TRPM3: variants seen among roughly 807,000 people sequenced by gnomAD.
TRPM3 encodes the protein transient receptor potential cation channel subfamily M member 3.
TRPM3 carries 77 observed loss-of-function variants against 181.2 expected under a neutral mutation model. That is an observed-to-expected ratio of 0.42 (90% CI 0.35 to 0.51). The LOEUF is 0.51. Ranked by LOEUF, TRPM3 falls within the 20% of genes least tolerant of loss-of-function variation. The probability of loss-of-function intolerance (pLI) is 0.01; values close to 1 mark genes in which losing one functional copy is unlikely to be tolerated. For missense variants in TRPM3, 1,759 were observed against 2,196.7 expected (o/e 0.80, Z 3.98); for synonymous variants, 745 against 796.4 (o/e 0.94, Z 1.09).
intron 1 of TRPM3, among the ~76,000 whole-genome samples, chr9:71,128,201 G>A (rs2074163287): frequency 6.6e-6 from 1 of 152,290 alleles, no homozygotes; most frequent in East Asian, 1.9e-4. Flanking sequence ...TAGTGGTTAT[G>A]AGAGGGAATC....
At chr9:70,936,389 A>C (rs956908776) in intron 1 of TRPM3, among the ~76,000 whole-genome samples, 2 of 152,168 alleles carry the variant, frequency 1.3e-5, no homozygotes, top group Non-Finnish European at 2.9e-5. Flanking sequence ...TCCTCTGCAA[A>C]ATTTTAGCTA....
At chr9:71,396,507 T>G (rs2093198044) in intron 1 of TRPM3, among the ~76,000 whole-genome samples, 1 of 152,108 alleles carries the variant, frequency 6.6e-6, no homozygotes, top group African/African-American at 2.4e-5. Flanking sequence ...AAAAGAATAT[T>G]TTAAAATCAG....
At chr9:70,657,632 A>G (rs997162811) in intron 9 of TRPM3, among the ~76,000 whole-genome samples, 1 of 152,068 alleles carries the variant, frequency 6.6e-6, no homozygotes, top group African/African-American at 2.4e-5. Flanking sequence ...AGATTAAAAA[A>G]TTTTTTTTAA....
chr9:70,629,218 G>GT (rs1554790165), intron 12 of TRPM3, among the ~76,000 whole-genome samples: 6 of 59,934 alleles, frequency 1.0e-4, no homozygotes, highest in African/African-American at 4.2e-4. Flanking sequence ...CCAGTGCCGG[G>GT]GGGGGGGGGG....
chr9:70,822,894 A>G (rs1378339689), intron 6 of TRPM3, among the ~76,000 whole-genome samples: 1 of 151,812 alleles, frequency 6.6e-6, no homozygotes, highest in Admixed American at 6.6e-5. Flanking sequence ...CAATATGCCC[A>G]TGTGTCACTA....
chr9:71,248,203 A>G (rs933768767), intron 1 of TRPM3, among the ~76,000 whole-genome samples: 2 of 152,136 alleles, frequency 1.3e-5, no homozygotes, highest in African/African-American at 4.8e-5. Flanking sequence ...AAATTCTCCC[A>G]CTATGTGACT....
chr9:70,640,706 C>T lies in TRPM3; in HGVS notation c.1346-46G>A, dbSNP rs368541221. ...GAAAAGAGTGGAAGAGAGAAAACGA[C>T]GATCAGTTATTACACCAAGAGCGCC... is the stretch of plus-strand genomic sequence containing the variant. On this transcript the variant is annotated intron_variant, in intron 9 of 25. Coordinates refer to ENST00000677713, the MANE Select transcript of TRPM3 (RefSeq NM_001366145.2). 54 of 1,488,126 alleles carry T rather than the reference C, an allele frequency of 3.6e-5. 1 individual carries two copies. The South Asian group carries it at 4.7e-4, about 13-fold the overall frequency. The allele number at this position is 1,488,126 out of a possible 1,614,324, so 92.2% of individuals were successfully genotyped here.
chr9:71,397,011 C>T (rs1470802729), intron 1 of TRPM3, among the ~76,000 whole-genome samples: 12 of 150,698 alleles, frequency 8.0e-5, no homozygotes, highest in Admixed American at 5.9e-4. Flanking sequence ...GGAAGGAAAA[C>T]ATGCACCAGC....
intron 9 of TRPM3, among the ~76,000 whole-genome samples, chr9:70,661,501 C>A (rs536681793): frequency 6.6e-6 from 1 of 152,152 alleles, no homozygotes; most frequent in African/African-American, 2.4e-5. Context: ...GTCAAACCAT[C>A]GCTGTTCACA....
chr9:70,984,530 C>T (rs186679538), intron 1 of TRPM3, among the ~76,000 whole-genome samples: 2 of 152,148 alleles, frequency 1.3e-5, no homozygotes, highest in Non-Finnish European at 2.9e-5. Flanking sequence ...ATAGTTCTAA[C>T]TGGATTCATT....
At chr9:71,133,309 T>TTTTTTTC (rs2074488984) in intron 1 of TRPM3, among the ~76,000 whole-genome samples, 1 of 122,982 alleles carries the variant, frequency 8.1e-6, no homozygotes, top group Non-Finnish European at 1.8e-5. Context: ...TTTTTTTTTT[T>TTTTTTTC]TTGAGACAGA....
chr9:70,752,061 C>CAT (rs2076291063), intron 8 of TRPM3, among the ~76,000 whole-genome samples: 1 of 129,082 alleles, frequency 7.7e-6, no homozygotes, highest in African/African-American at 2.7e-5. Flanking sequence ...CGCGCGCGCG[C>CAT]GCATACACAT....
intron 1 of TRPM3, among the ~76,000 whole-genome samples, chr9:70,956,961 CTTTTTTT>C (rs747544684): frequency 1.5e-5 from 2 of 137,398 alleles, no homozygotes; most frequent in African/African-American, 5.4e-5. Context: ...TTCTTTCTTT[CTTTTTTT>C]TTTTTTTTTT....
At position 70,683,428 on chromosome 9, in the gene TRPM3, C is replaced by CTTTTTTTTTTTTT. The variant is rs575176948; in HGVS notation, c.1273-1863_1273-1851dup. Reference sequence around the variant, plus strand: ...CCTTTTCTCTCTTTCTCTCTCTCTCCTTTTTTTTTTTTTTTTTTTTTTTTT... The same window carrying CTTTTTTTTTTTTT: ...CCTTTTCTCTCTTTCTCTCTCTCTCCTTTTTTTTTTTTTTTTTTTTTTTTTTTTTTTTTTTTTT... On this transcript the variant is annotated intron_variant, in intron 8 of 25. Coordinates refer to ENST00000677713, the MANE Select transcript of TRPM3 (RefSeq NM_001366145.2). 6.3e-3 allele frequency among the ~76,000 whole-genome samples: 362 copies of CTTTTTTTTTTTTT among 57,460 alleles called. 37 individuals are homozygous for CTTTTTTTTTTTTT. Among genetic ancestry groups the CTTTTTTTTTTTTT allele is most frequent in the Non-Finnish European group, 8.2e-3 (252 of 30,784 alleles). 37.7% of individuals were successfully genotyped at this position (57,460 alleles called of 152,430 possible).
chr9:71,370,301 A>G (rs2132792253), intron 1 of TRPM3, among the ~76,000 whole-genome samples: 1 of 152,364 alleles, frequency 6.6e-6, no homozygotes, highest in Non-Finnish European at 1.5e-5. Flanking sequence ...TGAGGATGGC[A>G]TGGCAAAAGC....
chr9:70,796,508 C>T (rs1431985019), intron 6 of TRPM3, among the ~76,000 whole-genome samples: 1 of 152,240 alleles, frequency 6.6e-6, no homozygotes, highest in African/African-American at 2.4e-5. Context: ...GGAACATATT[C>T]ATCCTTCAGG....
At chr9:71,310,927 AG>A (rs1375030723) in intron 1 of TRPM3, among the ~76,000 whole-genome samples, 1 of 152,122 alleles carries the variant, frequency 6.6e-6, no homozygotes, top group East Asian at 1.9e-4. Flanking sequence ...TGAAAAAAAT[AG>A]AAGAGTTTTT....
chr9:70,946,127 G>A (rs1412168832), intron 1 of TRPM3, among the ~76,000 whole-genome samples: 1 of 152,032 alleles, frequency 6.6e-6, no homozygotes, highest in Non-Finnish European at 1.5e-5. Flanking sequence ...TTATAAAAGG[G>A]AAAATGGTAC....
intron 1 of TRPM3, among the ~76,000 whole-genome samples, chr9:70,928,533 C>A (rs1426158140): frequency 3.3e-5 from 5 of 152,108 alleles, no homozygotes; most frequent in African/African-American, 4.8e-5. Flanking sequence ...CACACACACA[C>A]AAAATAGTTG....
Sources: allele counts gnomAD v4.1 joint callset (sites outside exome capture counted in the v4.1 genomes callset), GRCh38; gene constraint gnomAD v4.1.1; transcripts MANE v1.5; gene names NCBI Gene and HGNC (gene_info 2026-07-23, HGNC 2026-07-21).